Variants in CYP2A6 observed in about 807,000 individuals in gnomAD.
The protein encoded by CYP2A6 is cytochrome P450 family 2 subfamily A member 6.
A neutral mutation model predicts 42.3 loss-of-function variants in CYP2A6; 27 were observed. The observed-to-expected ratio is 0.64, with a 90% CI of 0.47 to 0.88. The LOEUF (loss-of-function observed/expected upper bound fraction) is 0.88. Ranked by LOEUF, CYP2A6 falls within the 40% of genes least tolerant of loss-of-function variation. The pLI is 0.00. For synonymous variants in CYP2A6, 238 were observed against 246.3 expected, an observed-to-expected ratio of 0.97 and a Z score of 0.31; for missense variants, 628 against 646.0, an observed-to-expected ratio of 0.97 and a Z score of 0.30.
Position 40,848,980 on chromosome 19 carries a change from A to G in CYP2A6, c.344-217T>C, listed in dbSNP as rs1488808758. 2.9e-3 allele frequency among the ~76,000 whole-genome samples: 331 copies of G among 112,982 alleles called. 7 individuals carry two copies. The highest frequency in any genetic ancestry group is 0.012 in the African/African-American group (293 of 24,690). 74.1% of individuals were successfully genotyped at this position (112,982 alleles called of 152,430 possible). A position where few individuals can be genotyped will look rare whatever the true frequency, so the allele number is the denominator to read the frequency against. ...AGAGAGAGAGAGAGAGAGAGAGAAGAGAGAGAGGAGAGAGAGAGAGAGAGA... is the reference window on the plus strand; with the variant it reads ...AGAGAGAGAGAGAGAGAGAGAGAAGGGAGAGAGGAGAGAGAGAGAGAGAGA... On this transcript the variant is annotated intron_variant, in intron 2 of 8. Coordinates refer to ENST00000301141, the MANE Select transcript of CYP2A6 (RefSeq NM_000762.6).
Position 40,847,837 on chromosome 19 carries a change from T to C in CYP2A6, c.654+382A>G, listed in dbSNP as rs1409608392. On this transcript the variant is annotated intron_variant, in intron 4 of 8. Coordinates refer to ENST00000301141, the MANE Select transcript of CYP2A6 (RefSeq NM_000762.6). Reference sequence around the variant, plus strand: ...GATTTTGCAGCACCAGGTGTTCAGGTATGCAGGAGGCCGGTTGACGCAGTC... The same window carrying C: ...GATTTTGCAGCACCAGGTGTTCAGGCATGCAGGAGGCCGGTTGACGCAGTC... Among the ~76,000 whole-genome samples the C allele has an allele frequency of 1.3e-4, 19 of 151,636 alleles. 1 individual carries two copies. The South Asian group carries it at 3.6e-3, about 28-fold the overall frequency.
At chr19:40,845,254 TG>T in intron 7 of CYP2A6, 39 bp downstream of exon 7, 1 of 1,607,760 alleles carries the variant, frequency 6.2e-7, no homozygotes, top group East Asian at 2.3e-5. Context: ...AGAGAGGGGC[TG>T]GAAGTCCCCG....
intron 3 of CYP2A6, 77 bp downstream of exon 3, chr19:40,848,537 C>G (rs57607700): frequency 0.1 from 131,856 of 1,302,760 alleles, 5,774 homozygotes; most frequent in Non-Finnish European, 0.1. Flanking sequence ...GTCCCCATCC[C>G]CAGGCAGAAC....
intron 4 of CYP2A6, among the ~76,000 whole-genome samples, chr19:40,847,645 G>A (rs1363018418): frequency 6.6e-6 from 1 of 151,616 alleles, no homozygotes; most frequent in African/African-American, 2.4e-5. Context: ...ACTTATTTGT[G>A]TGTCAGGGAA....
Position 40,845,390 on chromosome 19 carries a change from C to A in CYP2A6, c.1065G>T (p.Val355=). Residue 355 remains valine, a synonymous_variant, in exon 7 of 9, where the codon GTG becomes GTT. Coordinates refer to ENST00000301141, the MANE Select transcript of CYP2A6 (RefSeq NM_000762.6). ...CTCCAAATCTTTGGATCTCGTGGAT[C>A]ACTGCCTCCATGTAGGGCATCTTGG... is the stretch of plus-strand genomic sequence containing the variant. ...DRAKMPYMEA[V]IHEIQRFGDV... 2 of 1,611,816 alleles carry A rather than the reference C, an allele frequency of 1.2e-6. 1 individual carries two copies. The highest frequency in any genetic ancestry group is 4.6e-5 in the East Asian group (2 of 43,404).
Position 40,844,633 on chromosome 19 carries a change from A to G in CYP2A6, c.1301T>C (p.Ile434Thr). The G allele has an allele frequency of 6.2e-7, 1 of 1,611,496 alleles. No homozygotes were observed. Among genetic ancestry groups the G allele is most frequent in the Non-Finnish European group, 8.5e-7 (1 of 1,179,820 alleles). Residue 434 changes from isoleucine to threonine, a missense_variant and splice_region_variant, in exon 8 of 9, where the codon ATC becomes ACC. By Grantham distance (89) the Ile-to-Thr change is moderately conservative (BLOSUM62 -1). This residue lies in a region of CYP2A6 where 606 missense variants were observed against 568.1 expected (regional missense o/e 1.07). Coordinates refer to ENST00000301141, the MANE Select transcript of CYP2A6 (RefSeq NM_000762.6). Reference protein sequence around the residue: ...KKSDAFVPFSIGKRNCFGEGL... With the variant: ...KKSDAFVPFSTGKRNCFGEGL... The stretch of plus-strand genomic sequence containing the variant: ...GGCAGCAAACAGTGGTCTCTTACCG[A>G]TGGAAAAGGGCACAAAAGCATCACT...
chr19:40,848,993 A>AGAGAGAGAGAGAGAAGAGAGAGAG (rs1967160829), intron 2 of CYP2A6, among the ~76,000 whole-genome samples: 1 of 114,634 alleles, frequency 8.7e-6, no homozygotes, highest in African/African-American at 3.8e-5. Flanking sequence ...GAGAGGAGAG[A>AGAGAGAGAGAGAGAAGAGAGAGAG]GAGAGAGAGA....
At chr19:40,845,186 T>G (rs542707063) in intron 7 of CYP2A6, 108 bp downstream of exon 7, 2 of 1,417,918 alleles carry the variant, frequency 1.4e-6, no homozygotes, top group South Asian at 2.4e-5. Context: ...TTTTGACTGA[T>G]TGAGGGAGTG....
At position 40,849,907 on chromosome 19, in the gene CYP2A6, T is replaced by C. The variant is rs1428222205; in HGVS notation, c.254A>G (p.Asp85Gly). ...PRRVVVLCGH[D>G]AVREALVDQA... ...GTCCACCAGAGCCTCCCTGACGGCA[T>C]CATGTCCACACAGCACCACGACCCG... is the stretch of plus-strand genomic sequence containing the variant. The change falls in exon 2 of 9, where the codon GAT (aspartate) becomes GGT (glycine). Residue 85 changes from aspartate (D) to glycine (G), a missense_variant. Asp to Gly is a moderately conservative substitution (Grantham distance 94). Transcript: ENST00000301141. The C allele has an allele frequency of 3.7e-6, 6 of 1,611,390 alleles. No individual in the cohort carries two copies. In the South Asian group the frequency reaches 6.6e-5, roughly 18 times the overall value.
chr19:40,845,309 A>G lies in CYP2A6; in HGVS notation c.1146T>C (p.Asp382=), dbSNP rs781140086. Residue 382 remains aspartate, a synonymous_variant, in exon 7 of 9, where the codon GAT becomes GAC. Coordinates refer to ENST00000301141, the MANE Select transcript of CYP2A6 (RefSeq NM_000762.6). The part of the protein sequence containing the change: ...RRVKKDTKFR[D]FFLPKGTEVY... ...CGGATAGCACCTTAGGGAGGAAGAA[A>G]TCCCGAAACTTGGTGTCCTTTTTGA... 14 of 1,611,172 alleles carry G rather than the reference A, an allele frequency of 8.7e-6. No homozygotes were observed. The highest frequency in any genetic ancestry group is 1.2e-5 in the Non-Finnish European group (14 of 1,179,832).
chr19:40,848,866 G>A, intron 2 of CYP2A6, 103 bp from the exon 3 acceptor site: 1 of 1,406,088 alleles, frequency 7.1e-7, no homozygotes, highest in Non-Finnish European at 9.6e-7. Flanking sequence ...GAGGGAGTAG[G>A]GTGGGAGAGA....
At position 40,847,016 on chromosome 19, in the gene CYP2A6, C is replaced by T; in HGVS notation, c.690G>A (p.Leu230=). ...GAAAGGCCTGTTGCTGTGGTCCTGG[C>T]AGGTGTTTCATCACCGAAGAGAACA... ...YEMFSSVMKH[L]PGPQQQAFQL... Residue 230 remains leucine, a synonymous_variant, in exon 5 of 9, where the codon CTG becomes CTA. Transcript: ENST00000301141. 6.2e-7 allele frequency: 1 copy of T among 1,611,784 alleles called. No homozygotes were observed. The highest frequency in any genetic ancestry group is 8.5e-7 in the Non-Finnish European group (1 of 1,179,780).
rs778129171 is a variant in CYP2A6, at chr19:40,845,274, G to T, written c.1161+20C>A. The T allele has an allele frequency of 4.3e-6, 7 of 1,611,436 alleles. 1 individual carries two copies. In the Admixed American group the frequency reaches 1.2e-4, roughly 27 times the overall value. ...GGGGCTGGAAGTCCCCGTAGTCTGG[G>T]GGGTGGGGGCGGATAGCACCTTAGG... is the stretch of plus-strand genomic sequence containing the variant. On this transcript the variant is annotated intron_variant, in intron 7 of 8. Coordinates refer to ENST00000301141, the MANE Select transcript of CYP2A6 (RefSeq NM_000762.6).
At position 40,849,839 on chromosome 19, in the gene CYP2A6, C is replaced by T. The variant is rs760744271; in HGVS notation, c.322G>A (p.Asp108Asn). Residue 108 changes from aspartate to asparagine, a missense_variant, in exon 2 of 9, where the codon GAC (aspartate) becomes AAC (asparagine). Asp to Asn is a conservative substitution (Grantham distance 23, BLOSUM62 1). Coordinates refer to ENST00000301141, the MANE Select transcript of CYP2A6 (RefSeq NM_000762.6). ...FSGRGEQATF[D>N]WVFKGYGVVF... ...TCACCATAGCCTTTGAAGACCCAGT[C>T]GAAGGTGGCTTGCTCGCCTCGCCCG... The T allele has an allele frequency of 1.3e-5, 21 of 1,610,798 alleles. No homozygotes were observed. The highest frequency in any genetic ancestry group is 5.4e-5 in the African/African-American group (4 of 74,572).
Position 40,844,772 on chromosome 19 carries a change from C to A in CYP2A6, c.1162G>T (p.Gly388Cys). The A allele has an allele frequency of 1.2e-6, 2 of 1,609,792 alleles. No homozygotes were observed. Among genetic ancestry groups the A allele is most frequent in the African/African-American group, 2.7e-5 (2 of 74,586 alleles). ...TKFRDFFLPK[G>C]TEVYPMLGSV... ...CCCAGCATAGGGTACACTTCGGTGCCCTGGTAGGGAGGAGGAAGTTGTGTG... is the reference window on the plus strand; with the variant it reads ...CCCAGCATAGGGTACACTTCGGTGCACTGGTAGGGAGGAGGAAGTTGTGTG... Residue 388 changes from glycine (G) to cysteine (C), a missense_variant and splice_region_variant, in exon 8 of 9, where the codon GGC (glycine) becomes TGC (cysteine). Gly to Cys is a radical substitution (Grantham distance 159, BLOSUM62 -3). Around this residue, in one of 2 missense-constraint regions of CYP2A6, gnomAD observed 606 missense variants for 568.1 expected, o/e 1.07. Transcript: ENST00000301141.
chr19:40,849,081 A>G (rs1036359679), intron 2 of CYP2A6, among the ~76,000 whole-genome samples: 1 of 147,670 alleles, frequency 6.8e-6, no homozygotes, highest in African/African-American at 2.5e-5. Flanking sequence ...AGAGAGAGAG[A>G]GAGAGAGACC....
intron 7 of CYP2A6, 22 bp downstream of exon 7, chr19:40,845,272 G>C (rs781286490): frequency 1.2e-6 from 2 of 1,610,832 alleles, no homozygotes; most frequent in South Asian, 1.1e-5. Context: ...CCCGTAGTCT[G>C]GGGGGTGGGG....
intron 4 of CYP2A6, among the ~76,000 whole-genome samples, chr19:40,847,922 C>A (rs1033143570): frequency 2.0e-5 from 3 of 151,712 alleles, no homozygotes; most frequent in African/African-American, 7.3e-5. Context: ...TTAGAAATTA[C>A]GGTAAGTTGG....
rs2644907 is a variant in CYP2A6, at chr19:40,846,014, G to C, written c.915C>G (p.Thr305=). 126 of 1,611,452 alleles carry C rather than the reference G, an allele frequency of 7.8e-5. 11 individuals carry two copies. The East Asian group carries it at 1.7e-3, about 22-fold the overall frequency. The change falls in exon 6 of 9, where the codon ACC becomes ACG. Residue 305 remains threonine, a synonymous_variant. Transcript: ENST00000301141. ...AGCCATAGCGCAGGGTGGTGCTGACGGTCTCGGTGCCCCCAATGAAGAGGT... is the reference window on the plus strand; with the variant it reads ...AGCCATAGCGCAGGGTGGTGCTGACCGTCTCGGTGCCCCCAATGAAGAGGT... ...TLNLFIGGTE[T]VSTTLRYGFL... is the part of the protein sequence containing the mutation.
Sources: gnomAD v4.1 joint callset for allele counts (sites outside exome capture counted in the v4.1 genomes callset) on GRCh38, gnomAD v4.1.1 for gene constraint, gnomAD v4.1.1 regional missense constraint, MANE v1.5 for transcripts, NCBI Gene and HGNC (gene_info 2026-07-23, HGNC 2026-07-21) for gene names.